MUC12: variants seen among roughly 807,000 people sequenced by gnomAD.
The protein encoded by MUC12 is mucin 12, cell surface associated, also known as mucin-12.
A neutral mutation model predicts 230.8 loss-of-function variants in MUC12; 172 were observed. The observed-to-expected ratio is 0.75, with a 90% CI of 0.66 to 0.85. The LOEUF is 0.85. Ranked by LOEUF, MUC12 falls within the 40% of genes least tolerant of loss-of-function variation. The probability of loss-of-function intolerance (pLI) is 0.00; values close to 1 mark genes in which losing one functional copy is unlikely to be tolerated. For synonymous variants in MUC12, 1,259 were observed against 2,401.9 expected (o/e 0.52, Z 13.91); for missense variants, 3,506 against 5,920.6 (o/e 0.59, Z 13.38).
Position 101,013,941 on chromosome 7 carries a change from T to G in MUC12, c.15667T>G (p.Trp5223Gly). 6.5e-7 allele frequency: 1 copy of G among 1,536,262 alleles called. No individual in the cohort carries two copies. Among genetic ancestry groups the G allele is most frequent in the Non-Finnish European group, 8.7e-7 (1 of 1,146,448 alleles). Residue 5223 changes from tryptophan (W) to glycine (G), a missense_variant, in exon 9 of 12, where the codon TGG (tryptophan) becomes GGG (glycine). Coordinates refer to ENST00000536621, the MANE Select transcript of MUC12 (RefSeq NM_001164462.2). The part of the protein sequence containing the change: ...LCPNTNTHWY[W>G]GETCEFNIAK... The stretch of plus-strand genomic sequence containing the variant: ...CCCAAATACGAACACACACTGGTAC[T>G]GGGGAGAGACCTGTGAATTCAACAT...
chr7:100,977,497 C>G (rs1382113655), intron 1 of MUC12, among the ~76,000 whole-genome samples: 1 of 151,822 alleles, frequency 6.6e-6, no homozygotes, highest in African/African-American at 2.4e-5. Context: ...TTCTGAGTAG[C>G]TGGGATTACA....
At chr7:100,972,961 C>A (rs755719490) in intron 1 of MUC12, 2 of 702,952 alleles carry the variant, frequency 2.8e-6, no homozygotes, top group African/African-American at 3.5e-5. Flanking sequence ...TGCAGGGGAG[C>A]TACGGTGCAG....
chr7:101,011,734 T>C (rs1255863634), intron 5 of MUC12, among the ~76,000 whole-genome samples: 1 of 152,226 alleles, frequency 6.6e-6, no homozygotes, highest in Non-Finnish European at 1.5e-5. Context: ...CTGTACTTCC[T>C]TTTTAAGGCT....
At position 100,992,630 on chromosome 7, in the gene MUC12, C is replaced by A. The variant is rs1485496146; in HGVS notation, c.2067C>A (p.Tyr689Ter). The change falls in exon 2 of 12, where the codon TAC (tyrosine) becomes TAA (stop). Residue 689 changes from tyrosine to a stop codon, truncating the protein, a stop_gained. Transcript: ENST00000536621. LOFTEE classifies it high-confidence loss of function. ...GCCTCGTTGAAGAATCTACGACCTA[C>A]CACAGCAGCCCGGGCTCAACTCAAA... ...TSGLVEESTT[Y>*]HSSPGSTQTM... 4 of 1,537,402 alleles carry A rather than the reference C, an allele frequency of 2.6e-6. No homozygotes were observed. The highest frequency in any genetic ancestry group is 1.4e-5 in the African/African-American group (1 of 72,924).
chr7:100,989,367 A>G (rs1393493192), intron 1 of MUC12, among the ~76,000 whole-genome samples: 1 of 152,142 alleles, frequency 6.6e-6, no homozygotes, highest in Non-Finnish European at 1.5e-5. Context: ...TCGGCATCCC[A>G]AAGTGCTAGG....
At chr7:101,015,336 T>G in intron 9 of MUC12, 1 of 443,782 alleles carries the variant, frequency 2.3e-6, no homozygotes, top group South Asian at 2.6e-5. Flanking sequence ...TGACCCGAAG[T>G]CAGCAACTGA....
intron 1 of MUC12, among the ~76,000 whole-genome samples, chr7:100,976,920 AG>A (rs1447791849): frequency 6.6e-6 from 1 of 151,812 alleles, no homozygotes; most frequent in Non-Finnish European, 1.5e-5. Flanking sequence ...GCATGGTGGC[AG>A]GTTCCTGTAA....
Position 101,003,503 on chromosome 7 carries a change from C to A in MUC12, c.12940C>A (p.Leu4314Met). 1 of 1,527,190 alleles carries A rather than the reference C, an allele frequency of 6.5e-7. No individual in the cohort carries two copies. The highest frequency in any genetic ancestry group is 8.8e-7 in the Non-Finnish European group (1 of 1,142,150). 94.6% of individuals were successfully genotyped at this position (1,527,190 alleles called of 1,614,324 possible). A position where few individuals can be genotyped will look rare whatever the true frequency, so the allele number is the denominator to read the frequency against. Residue 4314 changes from leucine (L) to methionine (M), a missense_variant, in exon 2 of 12, where the codon CTG becomes ATG. By Grantham distance (15) the Leu-to-Met change is conservative (BLOSUM62 2). Coordinates refer to ENST00000536621, the MANE Select transcript of MUC12 (RefSeq NM_001164462.2). ...CAGCACTGGATCGCCACACACAACA[C>A]TGTCCCCTGCCGGCTCTACAACCCG... ...HSSTGSPHTT[L>M]SPAGSTTRQG...
At position 100,992,136 on chromosome 7, in the gene MUC12, C is replaced by A. The variant is rs879785664; in HGVS notation, c.1573C>A (p.His525Asn). 12 of 1,537,854 alleles carry A rather than the reference C, an allele frequency of 7.8e-6. No individual in the cohort carries two copies. The highest frequency in any genetic ancestry group is 1.0e-5 in the Non-Finnish European group (12 of 1,147,072). Residue 525 changes from histidine to asparagine, a missense_variant, in exon 2 of 12, where the codon CAC becomes AAC. His to Asn is a moderately conservative substitution (Grantham distance 68, BLOSUM62 1). Coordinates refer to ENST00000536621, the MANE Select transcript of MUC12 (RefSeq NM_001164462.2). ...SGVSEESTTS[H>N]SRPGSTHTTA... Reference sequence around the variant, plus strand: ...CGTCAGTGAAGAATCCACCACCTCCCACAGCCGACCAGGCTCAACACACAC... The same window carrying A: ...CGTCAGTGAAGAATCCACCACCTCCAACAGCCGACCAGGCTCAACACACAC...
At position 101,018,588 on chromosome 7, in the gene MUC12, C is replaced by T. The variant is rs1196681035; in HGVS notation, c.15967-7C>T. On this transcript the variant is annotated splice_region_variant and splice_polypyrimidine_tract_variant and intron_variant, in intron 11 of 11. Transcript: ENST00000536621. The stretch of plus-strand genomic sequence containing the variant: ...CTTGGCCTCACCTCTTCTCTCCCGT[C>T]CCCCAGCTCCACATCCAGAGGCCGG... 3 of 1,535,974 alleles carry T rather than the reference C, an allele frequency of 2.0e-6. No individual in the cohort carries two copies. Among genetic ancestry groups the T allele is most frequent in the Non-Finnish European group, 2.6e-6 (3 of 1,146,282 alleles).
chr7:101,015,362 G>A (rs1017836503), intron 9 of MUC12: 41 of 509,446 alleles, frequency 8.0e-5, no homozygotes, highest in Admixed American at 1.8e-4. Context: ...GCTACCCTAC[G>A]CCCCCATCTC....
At position 100,991,338 on chromosome 7, in the gene MUC12, C is replaced by T; in HGVS notation, c.775C>T (p.Pro259Ser). Residue 259 changes from proline to serine, a missense_variant, in exon 2 of 12, where the codon CCA becomes TCA. Physicochemically the swap from Pro to Ser is moderately conservative, Grantham distance 74 (BLOSUM62 -1). Transcript: ENST00000536621. The part of the protein sequence containing the change: ...STPVHSSTGS[P>S]HTTLSPSSST... ...GCCCGTCCACAGCAGCACTGGATCG[C>T]CACACACAACACTGTCCCCTTCCAG... The T allele has an allele frequency of 6.5e-7, 1 of 1,537,634 alleles. No homozygotes were observed. Among genetic ancestry groups the T allele is most frequent in the Non-Finnish European group, 8.7e-7 (1 of 1,147,002 alleles).
At chr7:101,017,184 G>C (rs375124868) in intron 10 of MUC12, 7 of 170,966 alleles carry the variant, frequency 4.1e-5, no homozygotes, top group African/African-American at 1.4e-4. Flanking sequence ...GAAGATTCCA[G>C]ACGCAGCTTT....
At chr7:100,969,717 G>T in intron 1 of MUC12, 28 bp downstream of exon 1, 2 of 1,537,346 alleles carry the variant, frequency 1.3e-6, no homozygotes, top group Non-Finnish European at 1.7e-6. Context: ...GATGCTCCAG[G>T]TCCAGTGCTC....
intron 2 of MUC12, 122 bp downstream of exon 2, chr7:101,005,641 C>G: frequency 8.0e-7 from 1 of 1,252,264 alleles, no homozygotes; most frequent in Non-Finnish European, 1.1e-6. Context: ...TTGGGTCTAC[C>G]GATTATCCAG....
intron 5 of MUC12, among the ~76,000 whole-genome samples, chr7:101,012,031 C>T (rs1357992679): frequency 6.6e-6 from 1 of 152,170 alleles, no homozygotes; most frequent in Non-Finnish European, 1.5e-5. Context: ...CAAATTTCTC[C>T]ACTTGTTCAT....
intron 3 of MUC12, among the ~76,000 whole-genome samples, chr7:101,006,773 C>T (rs897660536): frequency 4.0e-5 from 6 of 151,354 alleles, no homozygotes; most frequent in African/African-American, 1.5e-4. Context: ...ATGGGGTGGT[C>T]GATTTTTTTT....
chr7:101,017,609 G>A lies in MUC12; in HGVS notation c.15912G>A (p.Glu5304=). The part of the protein sequence containing the change: ...QNLRESRFGL[E]NAYNNFRPTL... ...TGAGGGAGAGCAGATTCGGCCTTGA[G>A]AACGCCTACAACAACTTCCGGCCCA... Residue 5304 remains glutamate, a synonymous_variant, in exon 11 of 12, where the codon GAG becomes GAA. Transcript: ENST00000536621. The A allele has an allele frequency of 1.3e-6, 2 of 1,536,050 alleles. No individual in the cohort carries two copies. The highest frequency in any genetic ancestry group is 2.4e-5 in the East Asian group (1 of 40,876).
chr7:100,992,894 G>A lies in MUC12; in HGVS notation c.2331G>A (p.Thr777=), dbSNP rs369535340. The change falls in exon 2 of 12, where the codon ACG becomes ACA. Residue 777 remains threonine, a synonymous_variant. Coordinates refer to ENST00000536621, the MANE Select transcript of MUC12 (RefSeq NM_001164462.2). The part of the protein sequence containing the change: ...STASHSSQDA[T]GTIVLPARST... ...CATCGCACAGCAGCCAAGACGCAAC[G>A]GGAACAATAGTCCTACCTGCCCGCT... is the stretch of plus-strand genomic sequence containing the variant. The A allele has an allele frequency of 1.5e-3, 2,324 of 1,536,282 alleles. 23 individuals carry two copies. The African/African-American group carries it at 0.024, about 16-fold the overall frequency.
Sources: allele counts gnomAD v4.1 joint callset (sites outside exome capture counted in the v4.1 genomes callset), GRCh38; gene constraint gnomAD v4.1.1; transcripts MANE v1.5; gene names NCBI Gene and HGNC (gene_info 2026-07-23, HGNC 2026-07-21).